The following SPATA17 variants were observed in gnomAD, a reference collection of about 807,000 sequenced individuals.
SPATA17 encodes spermatogenesis-associated protein 17.
A neutral mutation model predicts 62.2 loss-of-function variants in SPATA17; 53 were observed. That is an observed-to-expected ratio of 0.85 (90% confidence interval 0.68 to 1.07). The LOEUF (loss-of-function observed/expected upper bound fraction) is 1.07, where lower values mean the gene tolerates loss of function less well. Among genes scored for constraint, SPATA17 ranks in the 50% least tolerant of loss-of-function variants. SPATA17 has a pLI of 0.00. For synonymous variants in SPATA17, 146 were observed against 146.8 expected (o/e 0.99, Z 0.04); for missense variants, 466 against 425.5 (o/e 1.10, Z -0.84).
At chr1:217,723,935 C>T (rs1277770671) in intron 5 of SPATA17, among the ~76,000 whole-genome samples, 3 of 152,240 alleles carry the variant, frequency 2.0e-5, no homozygotes, top group Non-Finnish European at 4.4e-5. Flanking sequence ...ATGTCTGCTG[C>T]CACCCCTGTC....
intron 1 of SPATA17, among the ~76,000 whole-genome samples, chr1:217,646,485 T>C (rs1352572606): frequency 6.6e-6 from 1 of 152,178 alleles, no homozygotes; most frequent in Non-Finnish European, 1.5e-5. Context: ...CATATTATAT[T>C]TAGAAATTGA....
intron 9 of SPATA17, among the ~76,000 whole-genome samples, chr1:217,843,681 C>T: frequency 6.6e-6 from 1 of 151,976 alleles, no homozygotes; most frequent in East Asian, 1.9e-4. Flanking sequence ...GTTACCACTA[C>T]TCAACTCTGC....
intron 9 of SPATA17, among the ~76,000 whole-genome samples, chr1:217,854,677 C>T (rs1345461504): frequency 6.6e-6 from 1 of 152,008 alleles, no homozygotes; most frequent in African/African-American, 2.4e-5. Flanking sequence ...ACGGAGAGAC[C>T]TGGCACAGCA....
At chr1:217,673,713 GGT>G (rs1489634982) in intron 4 of SPATA17, among the ~76,000 whole-genome samples, 1 of 152,052 alleles carries the variant, frequency 6.6e-6, no homozygotes. Flanking sequence ...TGAGCACTTG[GGT>G]GTCATCTTAG....
chr1:217,753,598 A>T (rs1283143641), intron 6 of SPATA17, among the ~76,000 whole-genome samples: 1 of 151,742 alleles, frequency 6.6e-6, no homozygotes, highest in Non-Finnish European at 1.5e-5. Flanking sequence ...AAAAGAATGA[A>T]TATATTTTGT....
chr1:217,785,717 A>G (rs1014230241), intron 8 of SPATA17, among the ~76,000 whole-genome samples: 35 of 152,194 alleles, frequency 2.3e-4, no homozygotes, highest in African/African-American at 7.7e-4. Flanking sequence ...TTGAGAGAAC[A>G]CAATTCATAG....
At chr1:217,834,478 G>T (rs184667193) in intron 9 of SPATA17, among the ~76,000 whole-genome samples, 2 of 152,052 alleles carry the variant, frequency 1.3e-5, no homozygotes, top group Non-Finnish European at 2.9e-5. Context: ...AGATGGTGAC[G>T]TAGATGATCA....
intron 1 of SPATA17, among the ~76,000 whole-genome samples, chr1:217,636,752 G>A (rs974731511): frequency 6.6e-6 from 1 of 152,126 alleles, no homozygotes; most frequent in Non-Finnish European, 1.5e-5. Context: ...GTTGGATAAA[G>A]CATTTTGCTT....
intron 5 of SPATA17, among the ~76,000 whole-genome samples, chr1:217,716,799 C>T (rs1167977429): frequency 6.6e-6 from 1 of 152,126 alleles, no homozygotes; most frequent in Non-Finnish European, 1.5e-5. Context: ...AAACAAGGAC[C>T]AGCTCAGTAA....
At chr1:217,864,314 A>T (rs1675961325) in intron 10 of SPATA17, among the ~76,000 whole-genome samples, 1 of 152,198 alleles carries the variant, frequency 6.6e-6, no homozygotes, top group South Asian at 2.1e-4. Context: ...TTGAACACTC[A>T]TTAATATATG....
intron 8 of SPATA17, among the ~76,000 whole-genome samples, chr1:217,797,105 C>T (rs572413401): frequency 2.6e-5 from 4 of 152,232 alleles, no homozygotes; most frequent in South Asian, 2.1e-4. Context: ...TCCAATTACA[C>T]GTTCTTTCGA....
intron 8 of SPATA17, among the ~76,000 whole-genome samples, chr1:217,795,645 C>T (rs1674118133): frequency 6.6e-6 from 1 of 152,110 alleles, no homozygotes; most frequent in Middle Eastern, 3.4e-3. Context: ...GCTGGGATTA[C>T]AGACATGAGC....
intron 4 of SPATA17, among the ~76,000 whole-genome samples, chr1:217,670,273 G>T (rs549874321): frequency 6.6e-6 from 1 of 152,178 alleles, no homozygotes; most frequent in African/African-American, 2.4e-5. Context: ...AGAACCTAAA[G>T]CAGTTAATGC....
At chr1:217,827,714 G>A (rs1030185207) in intron 9 of SPATA17, among the ~76,000 whole-genome samples, 2 of 152,100 alleles carry the variant, frequency 1.3e-5, no homozygotes, top group African/African-American at 4.8e-5. Flanking sequence ...AAAAAGGAAT[G>A]AGATCATGTC....
chr1:217,842,345 C>T (rs79504671), intron 9 of SPATA17, among the ~76,000 whole-genome samples: 1,606 of 152,058 alleles, frequency 0.011, 30 homozygotes, highest in African/African-American at 0.037. Flanking sequence ...GTAGTTTTCC[C>T]TCTTTTTCAA....
At position 217,743,008 on chromosome 1, in the gene SPATA17, C is replaced by T. The variant is rs536455577; in HGVS notation, c.519+910C>T. On this transcript the variant is annotated intron_variant, in intron 6 of 10. Transcript: ENST00000366933. Reference sequence around the variant, plus strand: ...GGCCGTCTACATTTGGAGTGTAGATCTCCCGCATCTCTAGCCTGTGCTTGG... The same window carrying T: ...GGCCGTCTACATTTGGAGTGTAGATTTCCCGCATCTCTAGCCTGTGCTTGG... Among the ~76,000 whole-genome samples the T allele has an allele frequency of 2.6e-5, 4 of 151,298 alleles. No homozygotes were observed. In the East Asian group the frequency reaches 7.8e-4, roughly 29 times the overall value.
chr1:217,685,391 C>T (rs1333707619), intron 5 of SPATA17, among the ~76,000 whole-genome samples: 1 of 152,078 alleles, frequency 6.6e-6, no homozygotes, highest in Non-Finnish European at 1.5e-5. Flanking sequence ...TATTTTCCTC[C>T]TGATTTTAAT....
At chr1:217,722,360 A>G (rs999214976) in intron 5 of SPATA17, among the ~76,000 whole-genome samples, 30 of 152,236 alleles carry the variant, frequency 2.0e-4, no homozygotes, top group African/African-American at 6.7e-4. Context: ...TAAAAATTTT[A>G]TTAAATATAT....
chr1:217,811,699 A>AT (rs1452768440), intron 9 of SPATA17, among the ~76,000 whole-genome samples: 2 of 151,698 alleles, frequency 1.3e-5, no homozygotes, highest in Non-Finnish European at 2.9e-5. Context: ...CCTCGAGAAA[A>AT]AAAAAAAAAA....
Sources: gnomAD v4.1 joint callset for allele counts (sites outside exome capture counted in the v4.1 genomes callset) on GRCh38, gnomAD v4.1.1 for gene constraint, MANE v1.5 for transcripts, NCBI Gene and HGNC (gene_info 2026-07-23, HGNC 2026-07-21) for gene names.